KALRN: variants seen among roughly 807,000 people sequenced by gnomAD.
KALRN encodes the protein kalirin.
In KALRN, 70 loss-of-function variants were observed where a neutral mutation model predicts 353.7. The observed-to-expected ratio is 0.20, with a 90% CI of 0.16 to 0.24. The LOEUF (loss-of-function observed/expected upper bound fraction) is 0.24. Ranked by LOEUF, KALRN falls within the 10% of genes least tolerant of loss-of-function variation. KALRN has a pLI of 1.00. For synonymous variants in KALRN, 1,391 were observed against 1,434.8 expected, an observed-to-expected ratio of 0.97 and a Z score of 0.69; for missense variants, 2,791 against 3,756.7, an observed-to-expected ratio of 0.74 and a Z score of 6.72.
rs552625066 is a variant in KALRN at position 124,352,109 on chromosome 3, C to T, written c.1770+4844C>T. ...TCCTGGTCCTTAGTCAACTAATGGACTCAGTTTGCCTATAATCTCCCCAAA... is the reference window on the plus strand; with the variant it reads ...TCCTGGTCCTTAGTCAACTAATGGATTCAGTTTGCCTATAATCTCCCCAAA... On this transcript the variant is annotated intron_variant, in intron 10 of 59. Coordinates refer to ENST00000682506, the MANE Select transcript of KALRN (RefSeq NM_001388419.1). Among the ~76,000 whole-genome samples the T allele has an allele frequency of 5.1e-4, 77 of 152,216 alleles. 1 individual carries two copies. Among genetic ancestry groups the T allele is most frequent in the Non-Finnish European group, 5.4e-4 (37 of 68,050 alleles).
intron 1 of KALRN, among the ~76,000 whole-genome samples, chr3:124,090,961 G>A (rs1013747114): frequency 5.9e-5 from 9 of 152,220 alleles, no homozygotes; most frequent in African/African-American, 1.9e-4. Flanking sequence ...CTTACTTGCT[G>A]TAGATACTGT....
intron 11 of KALRN, among the ~76,000 whole-genome samples, chr3:124,392,215 A>C (rs2089496647): frequency 6.6e-6 from 1 of 151,936 alleles, no homozygotes; most frequent in African/African-American, 2.4e-5. Context: ...ATGCCCAGCT[A>C]ATTTTTGTGT....
intron 34 of KALRN, chr3:124,584,989 G>T: frequency 2.0e-6 from 3 of 1,470,194 alleles, no homozygotes; most frequent in Admixed American, 2.1e-5. Context: ...AGGGAGGGAA[G>T]GGTTGGGGAG....
chr3:124,334,252 C>T lies in KALRN; in HGVS notation c.1417-13C>T, dbSNP rs1218579065. 1 of 1,611,620 alleles carries T rather than the reference C, an allele frequency of 6.2e-7. No individual in the cohort carries two copies. The highest frequency in any genetic ancestry group is 1.7e-5 in the Admixed American group (1 of 60,022). On this transcript the variant is annotated splice_polypyrimidine_tract_variant and intron_variant, in intron 8 of 59. Coordinates refer to ENST00000682506, the MANE Select transcript of KALRN (RefSeq NM_001388419.1). This position sits in a 1 kb window ranked among gnomAD's most constrained non-coding sequence, Gnocchi z 4.2. ...CCCTTTTCCCTTAACTTAAACTTCTCTCTTTCCTGCAGGTCAGCCAGGATG... is the reference window on the plus strand; with the variant it reads ...CCCTTTTCCCTTAACTTAAACTTCTTTCTTTCCTGCAGGTCAGCCAGGATG...
At chr3:124,718,805 A>G (rs2063286442) in intron 59 of KALRN, 120 bp from the exon 60 acceptor site, 4 of 916,702 alleles carry the variant, frequency 4.4e-6, no homozygotes, top group Admixed American at 2.5e-5. Flanking sequence ...AATTTTCTGT[A>G]CACCATAGGC....
chr3:124,423,682 C>T (rs2092887940), intron 15 of KALRN, among the ~76,000 whole-genome samples: 1 of 152,090 alleles, frequency 6.6e-6, no homozygotes, highest in Non-Finnish European at 1.5e-5. Context: ...TTAAGACCAA[C>T]CTGGGCAACA....
chr3:124,057,235 A>T (rs2332734), intron 1 of KALRN, among the ~76,000 whole-genome samples: 139,616 of 152,188 alleles, frequency 0.92, 64,746 homozygotes, highest in East Asian at 1. Context: ...TACCGCCCCC[A>T]CTTTTGCCAC....
intron 10 of KALRN, among the ~76,000 whole-genome samples, chr3:124,380,375 T>G (rs1174337508): frequency 6.6e-6 from 1 of 152,160 alleles, no homozygotes; most frequent in East Asian, 1.9e-4. Context: ...GCTGAATTAT[T>G]TAGGGCATCA....
intron 57 of KALRN, among the ~76,000 whole-genome samples, chr3:124,711,197 A>T (rs994163471): frequency 3.4e-5 from 5 of 148,310 alleles, no homozygotes; most frequent in Non-Finnish European, 6.0e-5. Context: ...TTTAAAAAAA[A>T]TTTTTAAAGC....
At chr3:124,297,316 G>A (rs926477093) in intron 5 of KALRN, among the ~76,000 whole-genome samples, 7 of 152,226 alleles carry the variant, frequency 4.6e-5, no homozygotes, top group African/African-American at 1.4e-4. Flanking sequence ...CTCTGCAACT[G>A]GGCTGTGGCC....
intron 33 of KALRN, chr3:124,518,734 C>T (rs2066904046): frequency 7.2e-7 from 1 of 1,387,406 alleles, no homozygotes; most frequent in African/African-American, 1.5e-5. Context: ...CAGTAGGGAC[C>T]TGTGAGAGGC....
chr3:124,692,320 T>C (rs1301400706), intron 51 of KALRN, among the ~76,000 whole-genome samples: 1 of 152,246 alleles, frequency 6.6e-6, no homozygotes, highest in Admixed American at 6.5e-5. Flanking sequence ...ACAAGGGTTT[T>C]CTGCAGCCCA....
chr3:124,644,159 T>C (rs672763), intron 37 of KALRN, among the ~76,000 whole-genome samples: 1 of 151,860 alleles, frequency 6.6e-6, no homozygotes, highest in Non-Finnish European at 1.5e-5. Flanking sequence ...TGGTAACTAC[T>C]GTTTTATTTT....
intron 25 of KALRN, among the ~76,000 whole-genome samples, chr3:124,472,245 G>A (rs899244740): frequency 3.3e-5 from 5 of 152,066 alleles, no homozygotes; most frequent in African/African-American, 9.7e-5. Context: ...AAGTGACCAG[G>A]CCAATTATCC....
intron 1 of KALRN, among the ~76,000 whole-genome samples, chr3:124,129,099 T>A (rs1013534340): frequency 5.3e-5 from 8 of 152,130 alleles, no homozygotes; most frequent in African/African-American, 1.9e-4. Flanking sequence ...ATGCTCATAT[T>A]TGGGTGTTCC....
chr3:124,242,927 G>T (rs1328487368), intron 3 of KALRN, among the ~76,000 whole-genome samples: 2 of 152,172 alleles, frequency 1.3e-5, no homozygotes, highest in Admixed American at 6.5e-5. Flanking sequence ...TATACCAAGA[G>T]ATGTAGGGAG....
chr3:124,379,636 C>T (rs2087057245), intron 10 of KALRN, among the ~76,000 whole-genome samples: 1 of 152,176 alleles, frequency 6.6e-6, no homozygotes, highest in South Asian at 2.1e-4. Context: ...TCCAACATCC[C>T]ATGAACCATG....
At chr3:124,610,067 T>G (rs543054894) in intron 34 of KALRN, among the ~76,000 whole-genome samples, 2 of 152,268 alleles carry the variant, frequency 1.3e-5, no homozygotes, top group South Asian at 4.1e-4. Flanking sequence ...AGTGCTTTAG[T>G]TCTGTGCTAA....
rs80103063 is a variant in KALRN at position 124,335,162 on chromosome 3, T to C, written c.1647+667T>C. On this transcript the variant is annotated intron_variant, in intron 9 of 59. Transcript: ENST00000682506. ...GCTAGACAGCTTGGGGGTGGGGGGT[T>C]ATCCAAGCACTGTCAGGCTTGGACT... Among the ~76,000 whole-genome samples the C allele has an allele frequency of 2.4e-3, 363 of 152,248 alleles. 1 individual carries two copies. Among genetic ancestry groups the C allele is most frequent in the African/African-American group, 8.2e-3 (341 of 41,546 alleles).
Sources: gnomAD v4.1 joint callset for allele counts (sites outside exome capture counted in the v4.1 genomes callset) on GRCh38, gnomAD v4.1.1 for gene constraint, Gnocchi (gnomAD v3.1) non-coding constraint, MANE v1.5 for transcripts, NCBI Gene and HGNC (gene_info 2026-07-23, HGNC 2026-07-21) for gene names.